The following PCDHA3 variants were observed in gnomAD, a reference collection of about 807,000 sequenced individuals.
The protein encoded by PCDHA3 is protocadherin alpha-3.
Under a neutral mutation model 62.2 loss-of-function variants are expected in PCDHA3, and 41 were observed. That is an observed-to-expected ratio of 0.66 (90% CI 0.51 to 0.86). The LOEUF is 0.86. Ranked by LOEUF, PCDHA3 falls within the 40% of genes least tolerant of loss-of-function variation. The pLI, the probability that PCDHA3 is intolerant of heterozygous loss-of-function variation, is 0.00. For synonymous variants in PCDHA3, 640 were observed against 555.4 expected (o/e 1.15, Z -2.14); for missense variants, 1,304 against 1,241.2 (o/e 1.05, Z -0.76).
chr5:140,870,566 T>C (rs1554164425), intron 1 of PCDHA3: 7 of 1,613,980 alleles, frequency 4.3e-6, no homozygotes, highest in Admixed American at 3.3e-5. Flanking sequence ...GAGAACGCGC[T>C]GGTGTCCTAC....
intron 1 of PCDHA3, among the ~76,000 whole-genome samples, chr5:140,826,168 G>A (rs1554130469): frequency 6.6e-6 from 1 of 152,116 alleles, no homozygotes; most frequent in Non-Finnish European, 1.5e-5. Flanking sequence ...AATAGTTTTT[G>A]TCATTCTATA....
At chr5:140,850,483 C>A in intron 1 of PCDHA3, 2 of 1,598,100 alleles carry the variant, frequency 1.3e-6, no homozygotes, top group East Asian at 4.5e-5. Flanking sequence ...ACGGCCACGG[C>A]CACTGTGCTG....
At chr5:140,833,480 A>G (rs1378647255) in intron 1 of PCDHA3, among the ~76,000 whole-genome samples, 4 of 152,220 alleles carry the variant, frequency 2.6e-5, no homozygotes, top group East Asian at 1.9e-4. Context: ...AAGAAATAAT[A>G]CAAATCATAT....
intron 1 of PCDHA3, chr5:140,875,368 T>G (rs745982019): frequency 1.3e-5 from 19 of 1,449,988 alleles, no homozygotes; most frequent in Non-Finnish European, 1.7e-5. Context: ...TGGAAAAAAT[T>G]TACTAAATAT....
chr5:140,992,017 C>CTGTGTGTGTGTG (rs10602499), intron 3 of PCDHA3, among the ~76,000 whole-genome samples: 10 of 145,628 alleles, frequency 6.9e-5, no homozygotes, highest in African/African-American at 2.3e-4. Flanking sequence ...AGAGGTGGCT[C>CTGTGTGTGTGTG]TGTGTGTGTG....
At chr5:140,966,416 A>T in intron 1 of PCDHA3, 1 of 419,730 alleles carries the variant, frequency 2.4e-6, no homozygotes, top group Non-Finnish European at 4.1e-6. Context: ...TCAGAGCAGG[A>T]CTTGCTGAGC....
rs1554122186 is a variant in PCDHA3 at position 140,802,524 on chromosome 5, G to A, written c.1327G>A (p.Val443Met). The A allele has an allele frequency of 4.3e-6, 7 of 1,614,180 alleles. No individual in the cohort carries two copies. Among genetic ancestry groups the A allele is most frequent in the South Asian group, 1.1e-5 (1 of 91,080 alleles). Reference sequence around the variant, plus strand: ...ACTGTGGGCCACGGCCAGCGTGTCCGTGGAGGTGGCCGACGTGAACGACAA... The same window carrying A: ...ACTGTGGGCCACGGCCAGCGTGTCCATGGAGGTGGCCGACGTGAACGACAA... ...PSLWATASVS[V>M]EVADVNDNAP... Residue 443 changes from valine to methionine, a missense_variant, in exon 1 of 4, where the codon GTG (valine) becomes ATG (methionine). Val to Met is a conservative substitution (Grantham distance 21). Coordinates refer to ENST00000522353, the MANE Select transcript of PCDHA3 (RefSeq NM_018906.3).
chr5:140,886,945 A>T (rs2061235497), intron 1 of PCDHA3, among the ~76,000 whole-genome samples: 1 of 152,148 alleles, frequency 6.6e-6, no homozygotes, highest in Admixed American at 6.5e-5. Flanking sequence ...TGTTCTACAC[A>T]TTAGACATTT....
intron 1 of PCDHA3, among the ~76,000 whole-genome samples, chr5:140,889,584 CT>C (rs1192659128): frequency 1.3e-5 from 2 of 151,792 alleles, no homozygotes; most frequent in Non-Finnish European, 2.9e-5. Context: ...TTTGTTTTTG[CT>C]TTGAAATATT....
chr5:140,858,857 T>C, intron 1 of PCDHA3: 1 of 267,758 alleles, frequency 3.7e-6, no homozygotes, highest in South Asian at 4.6e-5. Flanking sequence ...CTATATCTCT[T>C]CAGTGAAAAT....
At position 141,011,088 on chromosome 5, in the gene PCDHA3, TTCTC is replaced by T. The variant is rs375099849; in HGVS notation, c.*1165_*1168del. Reference sequence around the variant, plus strand: ...TATTACTAAATAAAATGATCTCTCTTTCTCTCTCTCTCTCTCTTTTCTAAGAAAC... The same window carrying T: ...TATTACTAAATAAAATGATCTCTCTTTCTCTCTCTCTCTTTTCTAAGAAAC... On this transcript the variant is annotated 3_prime_UTR_variant, in exon 4 of 4. Coordinates refer to ENST00000522353, the MANE Select transcript of PCDHA3 (RefSeq NM_018906.3). 16 of 152,024 alleles carry T rather than the reference TTCTC, an allele frequency of 1.1e-4. No individual in the cohort carries two copies. Among genetic ancestry groups the T allele is most frequent in the African/African-American group, 2.2e-4 (9 of 41,160 alleles). 9.4% of individuals were successfully genotyped at this position (152,024 alleles called of 1,614,324 possible).
At chr5:140,827,304 G>A (rs2150147020) in intron 1 of PCDHA3, among the ~76,000 whole-genome samples, 2 of 152,160 alleles carry the variant, frequency 1.3e-5, no homozygotes, top group East Asian at 1.9e-4. Flanking sequence ...AAAGCACAAT[G>A]GGTAGAAATT....
chr5:140,808,562 G>C, intron 1 of PCDHA3: 2 of 1,614,108 alleles, frequency 1.2e-6, no homozygotes, highest in South Asian at 2.2e-5. Flanking sequence ...CGCGCAGCCC[G>C]AGTACACAGT....
chr5:140,854,688 G>A (rs1468709591), intron 1 of PCDHA3: 2 of 149,770 alleles, frequency 1.3e-5, no homozygotes, highest in Non-Finnish European at 3.0e-5. Context: ...TATGTCTGTT[G>A]TTAAGTTTTC....
rs1002466846 is a variant in PCDHA3, at chr5:140,853,169, G to A, written c.2394+49578G>A. The A allele has an allele frequency of 8.3e-6, 8 of 959,586 alleles. No individual in the cohort carries two copies. The African/African-American group carries it at 8.9e-5, about 11-fold the overall frequency. The allele number at this position is 959,586 out of a possible 1,614,324, so 59.4% of individuals were successfully genotyped here. On this transcript the variant is annotated intron_variant, in intron 1 of 3. Coordinates refer to ENST00000522353, the MANE Select transcript of PCDHA3 (RefSeq NM_018906.3). Reference sequence around the variant, plus strand: ...GCTGGGATTACAGGCGTGAGCCACCGCGCCTGGCCTAAAATGTGTTCTTTA... The same window carrying A: ...GCTGGGATTACAGGCGTGAGCCACCACGCCTGGCCTAAAATGTGTTCTTTA...
At chr5:140,877,375 C>G (rs782650940) in intron 1 of PCDHA3, 1 of 1,614,006 alleles carries the variant, frequency 6.2e-7, no homozygotes, top group Admixed American at 1.7e-5. Flanking sequence ...CAGCACGACA[C>G]GCATCCTGGA....
chr5:140,966,651 C>A, intron 1 of PCDHA3: 1 of 1,159,980 alleles, frequency 8.6e-7, no homozygotes, highest in Non-Finnish European at 1.1e-6. Flanking sequence ...AGAGCGTGAG[C>A]GGTGGGGGAG....
intron 1 of PCDHA3, chr5:140,848,793 G>T: frequency 6.3e-7 from 1 of 1,592,844 alleles, no homozygotes; most frequent in African/African-American, 1.3e-5. Context: ...CGGGCGGAGC[G>T]CGGAGTGCAG....
rs1311377754 is a variant in PCDHA3 at position 140,847,747 on chromosome 5, G to C, written c.2394+44156G>C. 1.3e-5 allele frequency: 2 copies of C among 149,564 alleles called. 1 individual carries two copies. The highest frequency in any genetic ancestry group is 3.0e-5 in the Non-Finnish European group (2 of 66,834). 9.3% of individuals were successfully genotyped at this position (149,564 alleles called of 1,614,324 possible). ...AGAGAAAAATATATTTTCTCCCCAC[G>C]CAACACAAGACCTTAAAGTCAATTC... On this transcript the variant is annotated intron_variant, in intron 1 of 3. Coordinates refer to ENST00000522353, the MANE Select transcript of PCDHA3 (RefSeq NM_018906.3).
Sources: allele counts gnomAD v4.1 joint callset (sites outside exome capture counted in the v4.1 genomes callset), GRCh38; gene constraint gnomAD v4.1.1; transcripts MANE v1.5; gene names NCBI Gene and HGNC (gene_info 2026-07-23, HGNC 2026-07-21).